Variants in RAPGEF2 observed in about 807,000 individuals in gnomAD.
RAPGEF2 encodes the protein PDZ domain containing guanine nucleotide exchange factor (GEF) 1.
In RAPGEF2, 54 loss-of-function variants were observed where a neutral mutation model predicts 186.7. The observed-to-expected ratio is 0.29, with a 90% CI of 0.23 to 0.36. The LOEUF (loss-of-function observed/expected upper bound fraction) is 0.36, where lower values mean the gene tolerates loss of function less well. Ranked by LOEUF, RAPGEF2 falls within the 10% of genes least tolerant of loss-of-function variation. RAPGEF2 has a pLI of 1.00. For synonymous variants in RAPGEF2, 712 were observed against 705.9 expected, an observed-to-expected ratio of 1.01 and a Z score of -0.14; for missense variants, 1,532 against 2,045.0, an observed-to-expected ratio of 0.75 and a Z score of 4.84.
chr4:159,300,909 G>A (rs1432213728), intron 7 of RAPGEF2, among the ~76,000 whole-genome samples: 1 of 152,122 alleles, frequency 6.6e-6, no homozygotes, highest in Admixed American at 6.5e-5. Flanking sequence ...CCCCTACATG[G>A]TTTGTTTGCC....
intron 7 of RAPGEF2, among the ~76,000 whole-genome samples, chr4:159,283,432 AT>A (rs1240322809): frequency 6.6e-6 from 1 of 152,196 alleles, no homozygotes; most frequent in Non-Finnish European, 1.5e-5. Context: ...AGCATCCAGG[AT>A]TTAAAGCATG....
chr4:159,232,834 C>A (rs1752793676), intron 4 of RAPGEF2, among the ~76,000 whole-genome samples: 1 of 152,002 alleles, frequency 6.6e-6, no homozygotes, highest in South Asian at 2.1e-4. Context: ...AAAATTGTAG[C>A]CATCCTGGTA....
intron 1 of RAPGEF2, among the ~76,000 whole-genome samples, chr4:159,146,401 G>A (rs1742972398): frequency 1.3e-5 from 2 of 150,274 alleles, no homozygotes; most frequent in South Asian, 4.2e-4. Flanking sequence ...GGGATTATTA[G>A]GATAGTTCCT....
At position 159,314,601 on chromosome 4, in the gene RAPGEF2, G is replaced by A. The variant is rs1015561046; in HGVS notation, c.686G>A (p.Ser229Asn). 35 of 1,608,788 alleles carry A rather than the reference G, an allele frequency of 2.2e-5. No individual in the cohort carries two copies. The highest frequency in any genetic ancestry group is 2.6e-5 in the Non-Finnish European group (31 of 1,178,750). The change falls in exon 9 of 30, where the codon AGC becomes AAC. Residue 229 changes from serine (S) to asparagine (N), a missense_variant. Ser to Asn is a conservative substitution (Grantham distance 46). Around this residue, in one of 4 missense-constraint regions of RAPGEF2, gnomAD observed 810 missense variants for 1,210.5 expected, o/e 0.67. Coordinates refer to ENST00000691494, the MANE Select transcript of RAPGEF2 (RefSeq NM_001394067.2). ...TGTGTGTGTCTTAAGGCCACAGAAAGCGAGGCTGGTGATATGGACCTGAGT... is the reference window on the plus strand; with the variant it reads ...TGTGTGTGTCTTAAGGCCACAGAAAACGAGGCTGGTGATATGGACCTGAGT... ...SLSDIYQATE[S>N]EAGDMDLSGL... is the part of the protein sequence containing the mutation.
Position 159,332,617 on chromosome 4 carries a change from C to G in RAPGEF2, c.2055C>G (p.Ala685=). The G allele has an allele frequency of 6.2e-7, 1 of 1,614,052 alleles. No individual in the cohort carries two copies. Among genetic ancestry groups the G allele is most frequent in the Non-Finnish European group, 8.5e-7 (1 of 1,179,998 alleles). ...GLEKVNKKSK[A]NTVGGRNKLK... Reference sequence around the variant, plus strand: ...AAAAAGTGAACAAAAAAAGTAAAGCCAACACTGTGGGAGGAAGGAACAAGC... The same window carrying G: ...AAAAAGTGAACAAAAAAAGTAAAGCGAACACTGTGGGAGGAAGGAACAAGC... Residue 685 remains alanine, a synonymous_variant, in exon 17 of 30, where the codon GCC becomes GCG. Transcript: ENST00000691494.
chr4:159,207,840 A>G (rs920560649), intron 3 of RAPGEF2, among the ~76,000 whole-genome samples: 1 of 152,220 alleles, frequency 6.6e-6, no homozygotes, highest in African/African-American at 2.4e-5. Context: ...TGGGTCTGGA[A>G]TAACAGTTTT....
At chr4:159,340,575 T>TAG (rs1729248639) in intron 19 of RAPGEF2, among the ~76,000 whole-genome samples, 1 of 152,100 alleles carries the variant, frequency 6.6e-6, no homozygotes, top group Admixed American at 6.6e-5. Context: ...GGGCCCCTAC[T>TAG]ATGCTCATTC....
intron 7 of RAPGEF2, among the ~76,000 whole-genome samples, chr4:159,263,831 AG>A (rs1757142663): frequency 6.6e-6 from 1 of 152,312 alleles, no homozygotes; most frequent in East Asian, 1.9e-4. Flanking sequence ...GGAAAAAAAA[AG>A]AATATAATGA....
At chr4:159,277,322 A>G (rs1759042874) in intron 7 of RAPGEF2, among the ~76,000 whole-genome samples, 2 of 152,242 alleles carry the variant, frequency 1.3e-5, no homozygotes, top group South Asian at 4.2e-4. Context: ...CCAGTCTATC[A>G]TTGATGGACA....
At chr4:159,323,757 C>CTCAAAA in intron 11 of RAPGEF2, 140 bp downstream of exon 11, 1 of 431,004 alleles carries the variant, frequency 2.3e-6, no homozygotes, top group Non-Finnish European at 3.5e-6. Flanking sequence ...ATTGTTCTGT[C>CTCAAAA]AGCCAGGCTG....
intron 1 of RAPGEF2, among the ~76,000 whole-genome samples, chr4:159,179,992 C>G (rs561317938): frequency 6.6e-6 from 1 of 152,088 alleles, no homozygotes; most frequent in Non-Finnish European, 1.5e-5. Context: ...GCATAGTGAG[C>G]CGATATGGGG....
Position 159,345,298 on chromosome 4 carries a change from A to C in RAPGEF2, c.3471A>C (p.Leu1157Phe). 1 of 1,614,170 alleles carries C rather than the reference A, an allele frequency of 6.2e-7. No homozygotes were observed. Among genetic ancestry groups the C allele is most frequent in the Non-Finnish European group, 8.5e-7 (1 of 1,180,010 alleles). Residue 1157 changes from leucine to phenylalanine, a missense_variant, in exon 24 of 30, where the codon TTA becomes TTC. Physicochemically the swap from Leu to Phe is conservative, Grantham distance 22. Coordinates refer to ENST00000691494, the MANE Select transcript of RAPGEF2 (RefSeq NM_001394067.2). ...LEMDEESLQT[L>F]SLQCEPATNT... ...TGGACGAGGAGAGTCTTCAGACATT[A>C]TCTCTGCAGTGTGAGCCAGCAACCA... is the stretch of plus-strand genomic sequence containing the variant.
Position 159,359,765 on chromosome 4 carries a change from T to G in RAPGEF2, c.*1626T>G, listed in dbSNP as rs1732525127. ...TCAATTATGCATTTGTAATTTTACA[T>G]GTAATATGCATTATTTGCCAGTTTT... On this transcript the variant is annotated 3_prime_UTR_variant, in exon 30 of 30. Coordinates refer to ENST00000691494, the MANE Select transcript of RAPGEF2 (RefSeq NM_001394067.2). The G allele has an allele frequency of 6.6e-6, 1 of 152,250 alleles. No homozygotes were observed. Among genetic ancestry groups the G allele is most frequent in the Non-Finnish European group, 1.5e-5 (1 of 68,044 alleles). 9.4% of individuals were successfully genotyped at this position (152,250 alleles called of 1,614,324 possible). A position where few individuals can be genotyped will look rare whatever the true frequency, so the allele number is the denominator to read the frequency against.
At chr4:159,259,918 A>G (rs180870784) in intron 7 of RAPGEF2, among the ~76,000 whole-genome samples, 23 of 152,238 alleles carry the variant, frequency 1.5e-4, no homozygotes, top group African/African-American at 5.5e-4. Context: ...AAGTTTGGCA[A>G]CTTTTAATTT....
chr4:159,129,868 A>C (rs1459542668), intron 1 of RAPGEF2, among the ~76,000 whole-genome samples: 1 of 152,200 alleles, frequency 6.6e-6, no homozygotes, highest in Non-Finnish European at 1.5e-5. Context: ...TTTATTAAGA[A>C]AGTATGGGAA....
At chr4:159,122,598 C>T (rs539119388) in intron 1 of RAPGEF2, among the ~76,000 whole-genome samples, 1 of 152,200 alleles carries the variant, frequency 6.6e-6, no homozygotes, top group African/African-American at 2.4e-5. Context: ...ATCATAACTG[C>T]ATAAGATTAT....
intron 7 of RAPGEF2, among the ~76,000 whole-genome samples, chr4:159,293,766 G>C (rs1160551523): frequency 6.6e-6 from 1 of 152,160 alleles, no homozygotes; most frequent in Non-Finnish European, 1.5e-5. Flanking sequence ...CTAGATAGTG[G>C]TTCAGGGTTG....
At chr4:159,145,441 C>T (rs1579300850) in intron 1 of RAPGEF2, among the ~76,000 whole-genome samples, 1 of 151,910 alleles carries the variant, frequency 6.6e-6, no homozygotes, top group South Asian at 2.1e-4. Context: ...AACATGTGAT[C>T]TATATAACAG....
At chr4:159,331,409 T>C (rs747047544) in intron 13 of RAPGEF2, 22 bp from the exon 14 acceptor site, 55 of 1,476,976 alleles carry the variant, frequency 3.7e-5, no homozygotes, top group Middle Eastern at 1.8e-4. Flanking sequence ...AGGAAACTTA[T>C]TGAAAATAAT....
Sources: gnomAD v4.1 joint callset for allele counts (sites outside exome capture counted in the v4.1 genomes callset) on GRCh38, gnomAD v4.1.1 for gene constraint, gnomAD v4.1.1 regional missense constraint, MANE v1.5 for transcripts, NCBI Gene and HGNC (gene_info 2026-07-23, HGNC 2026-07-21) for gene names.